The following PRKD1 variants were observed in gnomAD, a reference collection of about 807,000 sequenced individuals.
PRKD1 encodes serine/threonine-protein kinase D1.
In PRKD1, 63 loss-of-function variants were observed where a neutral mutation model predicts 95.9. The ratio of observed to expected loss-of-function variants is 0.66; its 90% CI spans 0.54 to 0.81. PRKD1 has a LOEUF of 0.81. Among genes scored for constraint, PRKD1 ranks in the 30% least tolerant of loss-of-function variants. The pLI, the probability that PRKD1 is intolerant of heterozygous loss-of-function variation, is 0.00. For missense variants in PRKD1, 1,048 were observed against 1,165.3 expected (o/e 0.90, Z 1.47); for synonymous variants, 425 against 423.1 (o/e 1.00, Z -0.05).
intron 1 of PRKD1, among the ~76,000 whole-genome samples, chr14:29,734,584 C>T (rs532185620): frequency 2.0e-5 from 3 of 152,122 alleles, no homozygotes; most frequent in Non-Finnish European, 4.4e-5. Context: ...TCTAAATATT[C>T]TCCCAAGTGT....
intron 2 of PRKD1, among the ~76,000 whole-genome samples, chr14:29,708,223 T>G (rs935665882): frequency 2.0e-5 from 3 of 152,058 alleles, no homozygotes; most frequent in Non-Finnish European, 4.4e-5. Flanking sequence ...TTGAAGGAAC[T>G]AAGAAAGCAC....
At chr14:29,658,721 C>T (rs1428669124) in intron 4 of PRKD1, among the ~76,000 whole-genome samples, 3 of 152,124 alleles carry the variant, frequency 2.0e-5, no homozygotes. Flanking sequence ...AGTTTTGTAT[C>T]TGTGATGAAA....
intron 1 of PRKD1, among the ~76,000 whole-genome samples, chr14:29,752,791 A>G (rs1188544363): frequency 6.6e-6 from 1 of 152,054 alleles, no homozygotes; most frequent in Non-Finnish European, 1.5e-5. Flanking sequence ...ACGGTACATA[A>G]AAAAAGTAAA....
At chr14:29,795,134 C>T (rs1889757533) in intron 1 of PRKD1, among the ~76,000 whole-genome samples, 1 of 151,982 alleles carries the variant, frequency 6.6e-6, no homozygotes, top group African/African-American at 2.4e-5. Flanking sequence ...CATTCATTGT[C>T]TAAATGACAT....
chr14:29,630,382 A>G (rs1187864548), intron 10 of PRKD1, among the ~76,000 whole-genome samples: 2 of 151,994 alleles, frequency 1.3e-5, no homozygotes, highest in Non-Finnish European at 2.9e-5. Context: ...CAAGTCCTCC[A>G]CCTACCTTGG....
intron 13 of PRKD1, among the ~76,000 whole-genome samples, chr14:29,604,950 G>A (rs1489234599): frequency 2.0e-5 from 3 of 151,990 alleles, no homozygotes; most frequent in East Asian, 1.9e-4. Flanking sequence ...GTATTTCTTC[G>A]CTTGGCAAAT....
At position 29,682,657 on chromosome 14, in the gene PRKD1, G is replaced by A. The variant is rs565175883; in HGVS notation, c.404-16449C>T. On this transcript the variant is annotated intron_variant, in intron 2 of 17. Transcript: ENST00000331968. ...GCAGGGAAACGAGAAATAAAATACC[G>A]TTCAAGTGCTCATGGAACTTAGGAC... Among the ~76,000 whole-genome samples, 17 of 152,200 alleles carry A rather than the reference G, an allele frequency of 1.1e-4. No homozygotes were observed. In the East Asian group the frequency reaches 1.2e-3, roughly 10 times the overall value.
chr14:29,584,975 T>C (rs960384728), intron 16 of PRKD1, among the ~76,000 whole-genome samples: 4 of 152,190 alleles, frequency 2.6e-5, no homozygotes, highest in African/African-American at 7.2e-5. Context: ...CTTTTCAAAA[T>C]AGAAACCAGA....
At chr14:29,844,786 A>T (rs1343053807) in intron 1 of PRKD1, among the ~76,000 whole-genome samples, 1 of 152,178 alleles carries the variant, frequency 6.6e-6, no homozygotes, top group Non-Finnish European at 1.5e-5. Flanking sequence ...GCTTATACCA[A>T]GTTGTTAATG....
At chr14:29,585,537 T>G (rs1028463629) in intron 16 of PRKD1, among the ~76,000 whole-genome samples, 1 of 152,180 alleles carries the variant, frequency 6.6e-6, no homozygotes, top group African/African-American at 2.4e-5. Flanking sequence ...GAAGCCCAAT[T>G]GATTCAAAAT....
chr14:29,836,530 G>A (rs1891617582), intron 1 of PRKD1, among the ~76,000 whole-genome samples: 1 of 152,152 alleles, frequency 6.6e-6, no homozygotes, highest in African/African-American at 2.4e-5. Context: ...TTGGGTGCTA[G>A]AACAATGTTT....
intron 1 of PRKD1, among the ~76,000 whole-genome samples, chr14:29,871,930 G>T (rs1014642954): frequency 6.6e-6 from 1 of 152,196 alleles, no homozygotes; most frequent in Non-Finnish European, 1.5e-5. Context: ...GTGATGAAAG[G>T]GGTGTGTGAA....
chr14:29,727,636 A>G (rs989854134), intron 1 of PRKD1, among the ~76,000 whole-genome samples: 2 of 151,210 alleles, frequency 1.3e-5, no homozygotes, highest in Non-Finnish European at 3.0e-5. Context: ...TCCCAGCACC[A>G]TTTATTAAAT....
chr14:29,706,163 T>C (rs1386842715), intron 2 of PRKD1, among the ~76,000 whole-genome samples: 1 of 152,152 alleles, frequency 6.6e-6, no homozygotes, highest in Non-Finnish European at 1.5e-5. Flanking sequence ...AGTATCTCAC[T>C]GTAGTTTTGA....
intron 1 of PRKD1, among the ~76,000 whole-genome samples, chr14:29,816,572 G>C (rs1890702190): frequency 6.6e-6 from 1 of 152,134 alleles, no homozygotes; most frequent in African/African-American, 2.4e-5. Context: ...TCCAACATAT[G>C]AACTTCTTTT....
At chr14:29,786,308 T>G (rs1420133431) in intron 1 of PRKD1, among the ~76,000 whole-genome samples, 1 of 152,196 alleles carries the variant, frequency 6.6e-6, no homozygotes, top group Non-Finnish European at 1.5e-5. Context: ...TTTCTTTTTT[T>G]GTTGTTTCCT....
rs566003589 is a variant in PRKD1, at chr14:29,721,988, G to C, written c.403+3548C>G. Among the ~76,000 whole-genome samples, 3 of 151,706 alleles carry C rather than the reference G, an allele frequency of 2.0e-5. No individual in the cohort carries two copies. In the South Asian group the frequency reaches 6.2e-4, roughly 32 times the overall value. On this transcript the variant is annotated intron_variant, in intron 2 of 17. Transcript: ENST00000331968. ...GTTTTCACTCCCAAAGCAGTTAAAA[G>C]ATGATGAAAAGTCTGAGCAGAAAAT...
At chr14:29,830,664 C>G (rs1891369170) in intron 1 of PRKD1, among the ~76,000 whole-genome samples, 1 of 151,846 alleles carries the variant, frequency 6.6e-6, no homozygotes, top group Non-Finnish European at 1.5e-5. Context: ...AACATAATAT[C>G]CCATAGAAAC....
At chr14:29,638,465 C>T in intron 6 of PRKD1, 24 bp downstream of exon 6, 1 of 1,611,562 alleles carries the variant, frequency 6.2e-7, no homozygotes. Context: ...GAAGCACAGA[C>T]ATGACAGCTG....
Sources: allele counts gnomAD v4.1 joint callset (sites outside exome capture counted in the v4.1 genomes callset), GRCh38; gene constraint gnomAD v4.1.1; transcripts MANE v1.5; gene names NCBI Gene and HGNC (gene_info 2026-07-23, HGNC 2026-07-21).